The following POLR1C variants were observed in gnomAD, a reference collection of about 807,000 sequenced individuals.
POLR1C encodes the protein RNA polymerase I and III subunit C.
Under a neutral mutation model 38.3 loss-of-function variants are expected in POLR1C, and 42 were observed. The observed-to-expected ratio is 1.10, with a 90% confidence interval of 0.86 to 1.42. The LOEUF is 1.42. Ranked by LOEUF, POLR1C falls within the 40% of genes most tolerant of loss-of-function variation. The probability of loss-of-function intolerance (pLI) is 0.00; values close to 1 mark genes in which losing one functional copy is unlikely to be tolerated. For missense variants in POLR1C, 507 were observed against 450.5 expected (o/e 1.13, Z -1.14); for synonymous variants, 163 against 163.9 (o/e 0.99, Z 0.04).
At chr6:43,523,847 AAGG>A (rs1343448551), downstream of POLR1C, 1 of 1,613,888 alleles carries the variant, frequency 6.2e-7, no homozygotes, top group Non-Finnish European at 8.5e-7. Flanking sequence ...AAGGCCGAGG[AAGG>A]ATGCCCAAAA....
downstream of POLR1C, chr6:43,525,768 G>A (rs1793546278): frequency 1.5e-5 from 22 of 1,514,512 alleles, no homozygotes; most frequent in Non-Finnish European, 2.0e-5. Context: ...TAGCACCATA[G>A]AGCAAGAAAA....
At chr6:43,550,597 C>A (rs562874863) in intron 9 of POLR1C, among the ~76,000 whole-genome samples, 1 of 152,170 alleles carries the variant, frequency 6.6e-6, no homozygotes, top group East Asian at 1.9e-4. Context: ...CACTTTTAGT[C>A]GTGGGACTAC....
At chr6:43,523,962 T>C, downstream of POLR1C, 1 of 1,613,898 alleles carries the variant, frequency 6.2e-7, no homozygotes, top group East Asian at 2.2e-5. Flanking sequence ...TGAGGGAAGA[T>C]TCTTAATGTG....
At chr6:43,549,993 G>C in intron 9 of POLR1C, 2 of 1,562,376 alleles carry the variant, frequency 1.3e-6, no homozygotes, top group Non-Finnish European at 1.7e-6. Flanking sequence ...ATGAGATCTT[G>C]CTATGTTGCC....
In POLR1C at chr6:43,558,434, C is replaced by A. The variant is rs992484305; in HGVS notation, c.*49-2966C>A. ...TCGTAAAAACCCCAAACACCATGCA[C>A]CATGATTCATAATACTAGATGCCAT... On this transcript the variant is annotated intron_variant, in intron 10 of 10. Transcript: ENST00000607635. 2.1e-6 allele frequency: 3 copies of A among 1,401,232 alleles called. No homozygotes were observed. The African/African-American group carries it at 4.3e-5, about 20-fold the overall frequency. 86.8% of individuals were successfully genotyped at this position (1,401,232 alleles called of 1,614,324 possible).
downstream of POLR1C, among the ~76,000 whole-genome samples, chr6:43,531,781 G>C (rs1000137217): frequency 1.3e-5 from 2 of 151,792 alleles, no homozygotes; most frequent in Non-Finnish European, 2.9e-5. Flanking sequence ...TTTAGACCCG[G>C]GTACTCTTTT....
At chr6:43,551,218 C>T in intron 10 of POLR1C, 1 of 1,385,318 alleles carries the variant, frequency 7.2e-7, no homozygotes, top group Non-Finnish European at 9.5e-7. Context: ...TAGCAAGATC[C>T]TGTCTCCAAA....
chr6:43,528,958 A>G (rs775634114), intron 8 of POLR1C: 2 of 1,590,102 alleles, frequency 1.3e-6, no homozygotes, highest in Admixed American at 1.7e-5. Context: ...TTTAGTGCAT[A>G]GGCACACATC....
intron 8 of POLR1C, chr6:43,527,562 T>C (rs1167080598): frequency 2.0e-6 from 3 of 1,495,438 alleles, no homozygotes; most frequent in Non-Finnish European, 1.9e-6. Flanking sequence ...CAGGCCTTCA[T>C]GGAGTTGGCT....
At chr6:43,530,020 T>A (rs182270310), downstream of POLR1C, among the ~76,000 whole-genome samples, 1 of 152,118 alleles carries the variant, frequency 6.6e-6, no homozygotes, top group Admixed American at 6.5e-5. Flanking sequence ...TTTGGGAGGC[T>A]GAGGCAGGCG....
At chr6:43,536,391 C>G (rs940238725) in intron 9 of POLR1C, among the ~76,000 whole-genome samples, 1 of 142,326 alleles carries the variant, frequency 7.0e-6, no homozygotes, top group African/African-American at 2.6e-5. Context: ...CTCCAGCCTG[C>G]GCAACACAGT....
intron 9 of POLR1C, among the ~76,000 whole-genome samples, chr6:43,536,534 G>A (rs970454753): frequency 2.6e-5 from 4 of 151,508 alleles, no homozygotes; most frequent in African/African-American, 9.7e-5. Flanking sequence ...CGAGGTGGGT[G>A]GATCACGAGG....
rs749203403 is a variant in POLR1C, at chr6:43,520,956, A to AC, written c.835dup (p.Arg279ProfsTer13). On this transcript the variant is annotated frameshift_variant, in exon 8 of 9. Transcript: ENST00000642195. LOFTEE classifies it high-confidence loss of function. ...GGTAAAAAGGTGGCCAGAGTTGCCA[A>AC]CCCCCGGCTGGATACCTTCAGCAGA... 1 of 1,614,122 alleles carries AC rather than the reference A, an allele frequency of 6.2e-7. No individual in the cohort carries two copies. Among genetic ancestry groups the AC allele is most frequent in the African/African-American group, 1.3e-5 (1 of 75,024 alleles).
rs1793051946 is a variant in POLR1C, at chr6:43,519,942, CTG to C, written c.382+107_382+108del. ...ATCTTTGTACATCAGTGTCTTTCATCTGTGAGAACACTTGCCTTGTCTCCCAA... is the reference window on the plus strand; with the variant it reads ...ATCTTTGTACATCAGTGTCTTTCATCTGAGAACACTTGCCTTGTCTCCCAA... On this transcript the variant is annotated intron_variant, in intron 4 of 8. Transcript: ENST00000642195. 33 of 1,536,526 alleles carry C rather than the reference CTG, an allele frequency of 2.1e-5. No individual in the cohort carries two copies. In the South Asian group the frequency reaches 3.6e-4, roughly 17 times the overall value.
At chr6:43,553,608 C>A in intron 10 of POLR1C, 1 of 1,448,722 alleles carries the variant, frequency 6.9e-7, no homozygotes, top group South Asian at 1.4e-5. Context: ...TTAGAGAACA[C>A]CTGAGAATTT....
At chr6:43,523,513 C>A (rs1793329906), downstream of POLR1C, 4 of 427,306 alleles carry the variant, frequency 9.4e-6, no homozygotes, top group Non-Finnish European at 1.8e-5. Context: ...TTGGGCACAG[C>A]ACCCTTAGTT....
intron 9 of POLR1C, chr6:43,547,675 T>A (rs377740264): frequency 1.9e-6 from 3 of 1,613,982 alleles, no homozygotes; most frequent in Admixed American, 1.7e-5. Context: ...TGTACCCACA[T>A]ACGCAATGAA....
chr6:43,539,656 G>T, intron 9 of POLR1C: 1 of 1,183,572 alleles, frequency 8.4e-7, no homozygotes, highest in Non-Finnish European at 1.2e-6. Context: ...CCATCCCAGG[G>T]CCACCAGGGC....
In POLR1C at chr6:43,536,758, TAAAAAAAAAAAAAAAA is replaced by T. The variant is rs1156884252; in HGVS notation, c.*4+7416_*4+7431del. On this transcript the variant is annotated intron_variant, in intron 9 of 10. Transcript: ENST00000607635. ...CTGGACGACAGAGTGAGACTCTATC[TAAAAAAAAAAAAAAAA>T]AAAAAAAAAAAAAAAAGCAGCTTTA... is the stretch of plus-strand genomic sequence containing the variant. 2.0e-3 allele frequency among the ~76,000 whole-genome samples: 38 copies of T among 19,106 alleles called. 4 individuals are homozygous for T. Among genetic ancestry groups the T allele is most frequent in the Middle Eastern group, 0.038 (1 of 26 alleles). The allele number at this position is 19,106 out of a possible 152,430, so 12.5% of individuals were successfully genotyped here.
Sources: gnomAD v4.1 joint callset for allele counts (sites outside exome capture counted in the v4.1 genomes callset) on GRCh38, gnomAD v4.1.1 for gene constraint, MANE v1.5 for transcripts, NCBI Gene and HGNC (gene_info 2026-07-23, HGNC 2026-07-21) for gene names.